TFDP2: variants seen among roughly 807,000 people sequenced by gnomAD.
TFDP2 encodes transcription factor Dp-2 (E2F dimerization partner 2).
In TFDP2, 17 loss-of-function variants were observed where a neutral mutation model predicts 59.3. That is an observed-to-expected ratio of 0.29 (90% confidence interval 0.20 to 0.43). TFDP2 has a LOEUF of 0.43. Ranked by LOEUF, TFDP2 falls within the 20% of genes least tolerant of loss-of-function variation. The probability of loss-of-function intolerance (pLI) is 1.00; values close to 1 mark genes in which losing one functional copy is unlikely to be tolerated. For missense variants in TFDP2, 391 were observed against 528.8 expected (o/e 0.74, Z 2.56); for synonymous variants, 180 against 194.7 (o/e 0.92, Z 0.63).
chr3:142,136,295 A>G (rs1160093520), intron 1 of TFDP2, among the ~76,000 whole-genome samples: 1 of 151,318 alleles, frequency 6.6e-6, no homozygotes, highest in Non-Finnish European at 1.5e-5. Flanking sequence ...TAGATTCTGG[A>G]TATTAGTCCT....
chr3:142,146,285 G>C (rs929882218), intron 1 of TFDP2, among the ~76,000 whole-genome samples: 5 of 151,942 alleles, frequency 3.3e-5, no homozygotes, highest in African/African-American at 9.7e-5. Context: ...GAGAGAGCAT[G>C]AACAAAATAA....
At chr3:142,026,158 A>G (rs1007016358) in intron 3 of TFDP2, among the ~76,000 whole-genome samples, 1 of 152,114 alleles carries the variant, frequency 6.6e-6, no homozygotes, top group African/African-American at 2.4e-5. Flanking sequence ...GATTGAGACC[A>G]TCCTGGCTAA....
chr3:142,025,007 C>T (rs1023915968), intron 3 of TFDP2, among the ~76,000 whole-genome samples: 9 of 144,776 alleles, frequency 6.2e-5, no homozygotes, highest in East Asian at 6.0e-4. Flanking sequence ...GCGACAACAG[C>T]GAGACTCTGT....
At chr3:142,012,592 C>T (rs928470985) in intron 3 of TFDP2, among the ~76,000 whole-genome samples, 7 of 152,038 alleles carry the variant, frequency 4.6e-5, no homozygotes, top group Admixed American at 3.9e-4. Flanking sequence ...ATTATATAGT[C>T]CCTAAAAATA....
intron 7 of TFDP2, among the ~76,000 whole-genome samples, chr3:141,978,236 G>A (rs1941002162): frequency 2.6e-5 from 4 of 151,318 alleles, no homozygotes; most frequent in East Asian, 2.0e-4. Context: ...TCCCAGCTAC[G>A]CGGGAGGCTG....
chr3:142,018,919 T>G (rs1576728276), intron 3 of TFDP2, among the ~76,000 whole-genome samples: 1 of 139,352 alleles, frequency 7.2e-6, no homozygotes, highest in African/African-American at 2.7e-5. Context: ...CACCTATTGG[T>G]TTTTGGTGAG....
intron 3 of TFDP2, among the ~76,000 whole-genome samples, chr3:142,091,529 G>A (rs2108614891): frequency 6.6e-6 from 1 of 151,748 alleles, no homozygotes; most frequent in East Asian, 1.9e-4. Flanking sequence ...TCATGCCACT[G>A]CACTCCAGCC....
chr3:142,040,737 T>G (rs1200167100), intron 3 of TFDP2, among the ~76,000 whole-genome samples: 1 of 152,182 alleles, frequency 6.6e-6, no homozygotes, highest in Admixed American at 6.5e-5. Context: ...GCTAAAACTT[T>G]TTTTAATAAA....
intron 1 of TFDP2, among the ~76,000 whole-genome samples, chr3:142,130,156 C>T (rs960046180): frequency 6.6e-6 from 1 of 152,088 alleles, no homozygotes; most frequent in African/African-American, 2.4e-5. Context: ...ACCATATTCA[C>T]AGCAGCATTA....
intron 3 of TFDP2, among the ~76,000 whole-genome samples, chr3:142,076,144 G>A (rs2060446757): frequency 6.8e-6 from 1 of 147,912 alleles, no homozygotes; most frequent in South Asian, 2.1e-4. Flanking sequence ...CCAGGAGGCA[G>A]AGGTTGCAGT....
chr3:142,133,941 G>A (rs2062613335), intron 1 of TFDP2, among the ~76,000 whole-genome samples: 1 of 151,764 alleles, frequency 6.6e-6, no homozygotes, highest in Non-Finnish European at 1.5e-5. Flanking sequence ...CTGTAAGGCA[G>A]AAGAATCACT....
intron 3 of TFDP2, chr3:142,044,196 C>G (rs932789669): frequency 2.6e-6 from 1 of 388,054 alleles, no homozygotes; most frequent in African/African-American, 2.1e-5. Flanking sequence ...TGAGCATACT[C>G]ATGGCTGCGG....
In TFDP2 at chr3:142,020,872, C is replaced by CTATA. The variant is rs1356477056; in HGVS notation, c.83-15332_83-15329dup. Reference sequence around the variant, plus strand: ...TAGTGACACACACTTATGGTCCCAGCTATATGGGAGGCTGAGGCAAGAGGA... The same window carrying CTATA: ...TAGTGACACACACTTATGGTCCCAGCTATATATATGGGAGGCTGAGGCAAGAGGA... On this transcript the variant is annotated intron_variant, in intron 3 of 12. Transcript: ENST00000489671. Among the ~76,000 whole-genome samples, 6 of 151,868 alleles carry CTATA rather than the reference C, an allele frequency of 4.0e-5. No homozygotes were observed. In the East Asian group the frequency reaches 1.2e-3, roughly 30 times the overall value.
chr3:142,066,656 G>C (rs990977843), intron 3 of TFDP2, among the ~76,000 whole-genome samples: 67 of 152,200 alleles, frequency 4.4e-4, no homozygotes, highest in African/African-American at 1.6e-3. Context: ...CGTTAAGTTG[G>C]GGATCATCTA....
intron 3 of TFDP2, among the ~76,000 whole-genome samples, chr3:142,015,909 G>C (rs958673248): frequency 6.6e-6 from 1 of 152,000 alleles, no homozygotes; most frequent in Non-Finnish European, 1.5e-5. Context: ...ATGTGCTCTA[G>C]GTATAAAATA....
intron 4 of TFDP2, among the ~76,000 whole-genome samples, chr3:142,002,483 G>GA (rs1943873136): frequency 6.6e-6 from 1 of 151,994 alleles, no homozygotes; most frequent in Non-Finnish European, 1.5e-5. Context: ...AACAAGGATG[G>GA]CTTTTCCTCC....
At chr3:142,100,762 T>C (rs2108644499) in intron 2 of TFDP2, among the ~76,000 whole-genome samples, 1 of 152,190 alleles carries the variant, frequency 6.6e-6, no homozygotes, top group East Asian at 1.9e-4. Flanking sequence ...TGTTCCACCA[T>C]CCTGGCTGGG....
chr3:141,955,281 T>C (rs948655190), intron 11 of TFDP2, among the ~76,000 whole-genome samples: 1 of 152,198 alleles, frequency 6.6e-6, no homozygotes, highest in Admixed American at 6.5e-5. Context: ...GAGGCACATG[T>C]TTCTTCCTTT....
At chr3:142,070,142 A>G (rs1468346257) in intron 3 of TFDP2, among the ~76,000 whole-genome samples, 1 of 151,732 alleles carries the variant, frequency 6.6e-6, no homozygotes, top group African/African-American at 2.4e-5. Context: ...CCTGGCCTCA[A>G]GTAATCTGCC....
Sources: allele counts gnomAD v4.1 joint callset (sites outside exome capture counted in the v4.1 genomes callset), GRCh38; gene constraint gnomAD v4.1.1; transcripts MANE v1.5; gene names NCBI Gene and HGNC (gene_info 2026-07-23, HGNC 2026-07-21).